Variants in RBFOX1 observed in about 807,000 individuals in gnomAD.
The protein encoded by RBFOX1 is RNA binding protein fox-1 homolog 1.
In RBFOX1, 8 loss-of-function variants were observed where a neutral mutation model predicts 57.7. The observed-to-expected ratio is 0.14, with a 90% CI of 0.08 to 0.25. The LOEUF (loss-of-function observed/expected upper bound fraction) is 0.25. RBFOX1 is among the 10% of genes least tolerant of loss of function. RBFOX1 has a pLI of 1.00. For synonymous variants in RBFOX1, 326 were observed against 222.4 expected (o/e 1.47, Z -4.15); for missense variants, 611 against 548.5 (o/e 1.11, Z -1.14).
chr16:5,778,634 G>T (rs1012343010), intron 3 of RBFOX1, among the ~76,000 whole-genome samples: 1 of 152,148 alleles, frequency 6.6e-6, no homozygotes, highest in African/African-American at 2.4e-5. Context: ...TTGACTCATG[G>T]ATCCGTTGAT....
intron 4 of RBFOX1, among the ~76,000 whole-genome samples, chr16:7,430,282 G>A (rs1157352194): frequency 6.6e-6 from 1 of 152,154 alleles, no homozygotes; most frequent in Non-Finnish European, 1.5e-5. Context: ...TGTTGTGGTG[G>A]TGGTTTATGC....
intron 1 of RBFOX1, among the ~76,000 whole-genome samples, chr16:6,279,392 G>C (rs1196581897): frequency 6.6e-6 from 1 of 152,188 alleles, no homozygotes; most frequent in Non-Finnish European, 1.5e-5. Context: ...GTAGATTCCT[G>C]AGCATGAGAC....
intron 3 of RBFOX1, among the ~76,000 whole-genome samples, chr16:6,905,084 C>T (rs999457172): frequency 6.6e-6 from 1 of 152,032 alleles, no homozygotes; most frequent in Admixed American, 6.6e-5. Context: ...AACTTTCTTC[C>T]CTGGGAGTCA....
chr16:5,898,665 T>C (rs1053833440), intron 4 of RBFOX1, among the ~76,000 whole-genome samples: 4 of 151,880 alleles, frequency 2.6e-5, no homozygotes, highest in Admixed American at 6.6e-5. Context: ...AGGTAGTGAG[T>C]GGCAAGTCCA....
At chr16:6,965,586 C>G (rs564542914) in intron 3 of RBFOX1, among the ~76,000 whole-genome samples, 13 of 152,338 alleles carry the variant, frequency 8.5e-5, no homozygotes, top group Non-Finnish European at 1.6e-4. Context: ...ATCTCCCCAA[C>G]TTGGCTTCCC....
rs551705596 is a variant in RBFOX1, at chr16:5,658,242, T to C, written c.318+59281T>C. ...TACTGGAGACCTCAGGCAAACAACC[T>C]GCTGGGAAGCTGAGACCCCAAGACT... is the stretch of plus-strand genomic sequence containing the variant. On this transcript the variant is annotated intron_variant, in intron 3 of 19. Transcript: ENST00000641259. 1.8e-4 allele frequency among the ~76,000 whole-genome samples: 28 copies of C among 152,272 alleles called. No individual in the cohort carries two copies. In the South Asian group the frequency reaches 4.4e-3, roughly 24 times the overall value.
At chr16:6,809,511 C>T (rs547868308) in intron 3 of RBFOX1, among the ~76,000 whole-genome samples, 2 of 151,934 alleles carry the variant, frequency 1.3e-5, no homozygotes, top group Non-Finnish European at 2.9e-5. Context: ...TGTCATTCAC[C>T]CCAGGAGGCA....
intron 4 of RBFOX1, among the ~76,000 whole-genome samples, chr16:5,949,561 T>C (rs2059477653): frequency 6.8e-6 from 1 of 148,142 alleles, no homozygotes. Context: ...GAATACAGGA[T>C]CCAATTAAAG....
chr16:5,787,529 C>T (rs1301458578), intron 3 of RBFOX1, among the ~76,000 whole-genome samples: 1 of 152,176 alleles, frequency 6.6e-6, no homozygotes, highest in Non-Finnish European at 1.5e-5. Flanking sequence ...TACTCAAGGA[C>T]AGTATGGTTT....
intron 3 of RBFOX1, among the ~76,000 whole-genome samples, chr16:5,862,446 C>T (rs953138446): frequency 3.9e-5 from 6 of 152,064 alleles, no homozygotes; most frequent in Non-Finnish European, 5.9e-5. Context: ...GCACAGCCAT[C>T]CCTACTGTAA....
At chr16:5,589,609 A>G (rs957234850) in intron 2 of RBFOX1, among the ~76,000 whole-genome samples, 4 of 152,220 alleles carry the variant, frequency 2.6e-5, no homozygotes, top group Admixed American at 6.5e-5. Context: ...AAGGATCACT[A>G]CATGAAAGTG....
chr16:7,108,436 T>A (rs1173901230), intron 4 of RBFOX1, among the ~76,000 whole-genome samples: 2 of 152,142 alleles, frequency 1.3e-5, no homozygotes, highest in Non-Finnish European at 1.5e-5. Context: ...CATTACATAG[T>A]TTAGGTATAC....
At chr16:5,902,164 G>A (rs2058319235) in intron 4 of RBFOX1, among the ~76,000 whole-genome samples, 1 of 152,250 alleles carries the variant, frequency 6.6e-6, no homozygotes, top group Non-Finnish European at 1.5e-5. Flanking sequence ...AAATATTCCA[G>A]AAAATTTATT....
intron 4 of RBFOX1, among the ~76,000 whole-genome samples, chr16:7,113,686 A>C (rs1372381539): frequency 2.0e-5 from 3 of 152,212 alleles, no homozygotes; most frequent in Non-Finnish European, 4.4e-5. Flanking sequence ...AGATTGTTGC[A>C]TGTCAACATG....
intron 2 of RBFOX1, among the ~76,000 whole-genome samples, chr16:5,508,333 C>T (rs999867715): frequency 2.6e-5 from 4 of 152,150 alleles, no homozygotes; most frequent in Admixed American, 2.6e-4. Flanking sequence ...CAGCTCCTTG[C>T]CAACTACCTG....
intron 1 of RBFOX1, among the ~76,000 whole-genome samples, chr16:5,443,860 T>G (rs1383399362): frequency 6.6e-6 from 1 of 152,204 alleles, no homozygotes; most frequent in Non-Finnish European, 1.5e-5. Flanking sequence ...CTGGGCTTTT[T>G]TTCCCCTTCT....
At chr16:6,998,134 T>G (rs1019682297) in intron 3 of RBFOX1, among the ~76,000 whole-genome samples, 3 of 152,110 alleles carry the variant, frequency 2.0e-5, no homozygotes, top group African/African-American at 7.2e-5. Context: ...TATAATTATC[T>G]ATTTATTTAT....
At chr16:6,853,726 A>G (rs576737867) in intron 3 of RBFOX1, among the ~76,000 whole-genome samples, 29 of 152,242 alleles carry the variant, frequency 1.9e-4, no homozygotes, top group Admixed American at 5.2e-4. Flanking sequence ...CCAGTAGACA[A>G]TGTGATTGGG....
At chr16:7,374,233 C>A (rs1435626530) in intron 4 of RBFOX1, among the ~76,000 whole-genome samples, 1 of 152,140 alleles carries the variant, frequency 6.6e-6, no homozygotes. Flanking sequence ...TATTTACCAT[C>A]CCGTGGAATC....
Sources: gnomAD v4.1 joint callset for allele counts (sites outside exome capture counted in the v4.1 genomes callset) on GRCh38, gnomAD v4.1.1 for gene constraint, MANE v1.5 for transcripts, NCBI Gene and HGNC (gene_info 2026-07-23, HGNC 2026-07-21) for gene names.